Variants in SPIRE2 observed in about 807,000 individuals in gnomAD.
SPIRE2 encodes the protein protein spire homolog 2.
A neutral mutation model predicts 80.7 loss-of-function variants in SPIRE2; 76 were observed. The observed-to-expected ratio is 0.94, with a 90% CI of 0.78 to 1.14. The LOEUF is 1.14. SPIRE2 is among the 50% of genes most tolerant of loss of function. The probability of loss-of-function intolerance (pLI) is 0.00; values close to 1 mark genes in which losing one functional copy is unlikely to be tolerated. For synonymous variants in SPIRE2, 535 were observed against 432.6 expected (o/e 1.24, Z -2.94); for missense variants, 1,196 against 1,015.3 (o/e 1.18, Z -2.42).
chr16:89,834,547 C>G (rs1303385150), intron 1 of SPIRE2, among the ~76,000 whole-genome samples: 1 of 94,060 alleles, frequency 1.1e-5, no homozygotes, highest in African/African-American at 4.2e-5. Context: ...TGAACCTGCC[C>G]GCATTCGCGG....
intron 7 of SPIRE2, 40 bp downstream of exon 7, chr16:89,856,276 C>T (rs2041691403): frequency 6.5e-7 from 1 of 1,535,538 alleles, no homozygotes; most frequent in Non-Finnish European, 8.8e-7. Flanking sequence ...CCCTGAGCCC[C>T]CGGCTGGGGT....
At position 89,858,361 on chromosome 16, in the gene SPIRE2, C is replaced by G. The variant is rs2041711464; in HGVS notation, c.1126C>G (p.Leu376Val). ...ARGFGSLPCI[L>V]NACSGDAKST... ...AGGGTTTGGCTCTCTGCCCTGCATC[C>G]TCAACGCCTGCTCCGGAGATGCCAA... The change falls in exon 8 of 15, where the codon CTC (leucine) becomes GTC (valine). Residue 376 changes from leucine (L) to valine (V), a missense_variant. Leu to Val is a conservative substitution (Grantham distance 32). Coordinates refer to ENST00000378247, the MANE Select transcript of SPIRE2 (RefSeq NM_032451.2). 6.2e-7 allele frequency: 1 copy of G among 1,609,314 alleles called. No homozygotes were observed. The highest frequency in any genetic ancestry group is 2.2e-5 in the East Asian group (1 of 44,746).
At chr16:89,838,181 T>G in intron 1 of SPIRE2, among the ~76,000 whole-genome samples, 1 of 147,468 alleles carries the variant, frequency 6.8e-6, no homozygotes, top group Non-Finnish European at 1.5e-5. Flanking sequence ...TTTTTTTTTT[T>G]TTTTTTTGTA....
Position 89,830,908 on chromosome 16 carries a change from C to CT in SPIRE2, c.244+2133dup, listed in dbSNP as rs146029809. ...TGAAGACTTTGTAACTGCTTAGAATCTTTTTTTTTTTTTTTTTTTGAGAGG... is the reference window on the plus strand; with the variant it reads ...TGAAGACTTTGTAACTGCTTAGAATCTTTTTTTTTTTTTTTTTTTTGAGAGG... On this transcript the variant is annotated intron_variant, in intron 1 of 14. Coordinates refer to ENST00000378247, the MANE Select transcript of SPIRE2 (RefSeq NM_032451.2). Among the ~76,000 whole-genome samples, 649 of 117,302 alleles carry CT rather than the reference C, an allele frequency of 5.5e-3. 22 individuals are homozygous for CT. The highest frequency in any genetic ancestry group is 0.049 in the South Asian group (180 of 3,696). The allele number at this position is 117,302 out of a possible 152,430, so 77.0% of individuals were successfully genotyped here.
chr16:89,868,178 T>C lies in SPIRE2; in HGVS notation c.1779-11T>C, dbSNP rs959683265. 1 of 1,614,074 alleles carries C rather than the reference T, an allele frequency of 6.2e-7. No homozygotes were observed. Among genetic ancestry groups the C allele is most frequent in the Middle Eastern group, 1.6e-4 (1 of 6,062 alleles). ...CCCTGCTGATGCTGCATTTCCTCTG[T>C]TCCCTTCCAGAGCCGTCTGCACTTC... On this transcript the variant is annotated splice_polypyrimidine_tract_variant and intron_variant, in intron 12 of 14. Transcript: ENST00000378247.
At position 89,845,313 on chromosome 16, in the gene SPIRE2, C is replaced by T; in HGVS notation, c.245-9C>T. The T allele has an allele frequency of 6.2e-7, 1 of 1,613,500 alleles. No individual in the cohort carries two copies. The highest frequency in any genetic ancestry group is 8.5e-7 in the Non-Finnish European group (1 of 1,179,426). Reference sequence around the variant, plus strand: ...CTGACAAATAACTTAACTCCCTCTTCTCTTACAGAACCTGCAACCATGGTC... The same window carrying T: ...CTGACAAATAACTTAACTCCCTCTTTTCTTACAGAACCTGCAACCATGGTC... On this transcript the variant is annotated splice_polypyrimidine_tract_variant and intron_variant, in intron 1 of 14. Coordinates refer to ENST00000378247, the MANE Select transcript of SPIRE2 (RefSeq NM_032451.2).
chr16:89,867,924 C>G (rs2041804175), intron 12 of SPIRE2, among the ~76,000 whole-genome samples: 2 of 152,176 alleles, frequency 1.3e-5, no homozygotes, highest in Non-Finnish European at 2.9e-5. Context: ...TATCCTACCA[C>G]TTGGCAATAG....
At chr16:89,861,078 G>A (rs1597222779) in intron 10 of SPIRE2, among the ~76,000 whole-genome samples, 1 of 152,174 alleles carries the variant, frequency 6.6e-6, no homozygotes, top group African/African-American at 2.4e-5. Context: ...TAGGGCAGAC[G>A]GTGAACCTGC....
In SPIRE2 at chr16:89,835,264, G is replaced by C. The variant is rs145481839; in HGVS notation, c.244+6470G>C. On this transcript the variant is annotated intron_variant, in intron 1 of 14. Transcript: ENST00000378247. The stretch of plus-strand genomic sequence containing the variant: ...ATAAGCATAGCCCGTGTGATTTTTC[G>C]CTGAGCCCTGGCTTGGGCAGCTCTT... 2.3e-3 allele frequency among the ~76,000 whole-genome samples: 355 copies of C among 152,324 alleles called. 2 individuals are homozygous for C. The highest frequency in any genetic ancestry group is 8.1e-3 in the African/African-American group (335 of 41,568).
At chr16:89,856,690 G>A (rs1389926548) in intron 7 of SPIRE2, among the ~76,000 whole-genome samples, 5 of 150,414 alleles carry the variant, frequency 3.3e-5, no homozygotes, top group Admixed American at 1.3e-4. Flanking sequence ...AAACTCCTGG[G>A]CTCAAGTGAT....
At chr16:89,855,799 C>CA in intron 6 of SPIRE2, 113 bp downstream of exon 6, 4 of 1,112,658 alleles carry the variant, frequency 3.6e-6, no homozygotes, top group Non-Finnish European at 5.2e-6. Context: ...GGAGGTGTCC[C>CA]AGTGCGTCTG....
Position 89,869,654 on chromosome 16 carries a change from G to C in SPIRE2, c.1894G>C (p.Ala632Pro). 1 of 1,614,088 alleles carries C rather than the reference G, an allele frequency of 6.2e-7. No individual in the cohort carries two copies. Among genetic ancestry groups the C allele is most frequent in the South Asian group, 1.1e-5 (1 of 91,080 alleles). Residue 632 changes from alanine to proline, a missense_variant, in exon 14 of 15, where the codon GCG (alanine) becomes CCG (proline). Coordinates refer to ENST00000378247, the MANE Select transcript of SPIRE2 (RefSeq NM_032451.2). Reference sequence around the variant, plus strand: ...TCAGAGGGTATCAGCTGCCAAAACCGCGCCAATCCAGAGAAGAGACATCTT... The same window carrying C: ...TCAGAGGGTATCAGCTGCCAAAACCCCGCCAATCCAGAGAAGAGACATCTT... ...SPQRVSAAKT[A>P]PIQRRDIFQS...
At chr16:89,855,960 TC>T in intron 6 of SPIRE2, 152 bp from the exon 7 acceptor site, 1 of 1,358,798 alleles carries the variant, frequency 7.4e-7, no homozygotes, top group Non-Finnish European at 9.8e-7. Context: ...GGAGCAGCAC[TC>T]CCTCCGGGTG....
At position 89,850,470 on chromosome 16, in the gene SPIRE2, C is replaced by A. The variant is rs2143805179; in HGVS notation, c.455C>A (p.Pro152His). ...GCCGCCGATGAGGGCTACGGGGGTC[C>A]CGAGGAGGAGGAGGAGGCCGAGGGC... The part of the protein sequence containing the change: ...CGAADEGYGG[P>H]EEEEEAEGVP... Residue 152 changes from proline to histidine, a missense_variant, in exon 3 of 15, where the codon CCC (proline) becomes CAC (histidine). By Grantham distance (77) the Pro-to-His change is moderately conservative. Coordinates refer to ENST00000378247, the MANE Select transcript of SPIRE2 (RefSeq NM_032451.2). 1 of 1,544,840 alleles carries A rather than the reference C, an allele frequency of 6.5e-7. No homozygotes were observed. Among genetic ancestry groups the A allele is most frequent in the Non-Finnish European group, 8.7e-7 (1 of 1,145,160 alleles).
At chr16:89,865,895 G>A (rs542216123) in intron 12 of SPIRE2, among the ~76,000 whole-genome samples, 1 of 149,720 alleles carries the variant, frequency 6.7e-6, no homozygotes, top group Admixed American at 6.7e-5. Context: ...TTGAACCTGT[G>A]AGGTGGAGGG....
At chr16:89,845,402 T>C (rs1159097338) in intron 2 of SPIRE2, 37 bp downstream of exon 2, 1 of 1,537,098 alleles carries the variant, frequency 6.5e-7, no homozygotes, top group Non-Finnish European at 9.0e-7. Flanking sequence ...ACTTGATGTG[T>C]GTTAAAACGT....
intron 7 of SPIRE2, among the ~76,000 whole-genome samples, chr16:89,858,075 C>T (rs1045815699): frequency 5.3e-5 from 8 of 151,546 alleles, no homozygotes; most frequent in African/African-American, 1.9e-4. Flanking sequence ...TTAGTAGAGA[C>T]AGGGTTTCAC....
At chr16:89,870,007 C>T in intron 14 of SPIRE2, 43 bp from the exon 15 acceptor site, 2 of 1,556,906 alleles carry the variant, frequency 1.3e-6, no homozygotes, top group South Asian at 1.1e-5. Flanking sequence ...GGTGTGGCAC[C>T]CTGGCTGGCT....
rs143115753 is a variant in SPIRE2, at chr16:89,867,421, G to T, written c.1779-768G>T. On this transcript the variant is annotated intron_variant, in intron 12 of 14. Coordinates refer to ENST00000378247, the MANE Select transcript of SPIRE2 (RefSeq NM_032451.2). The stretch of plus-strand genomic sequence containing the variant: ...GCCTCCCAAAGTGCTGGGATTACAG[G>T]CGTGAGGCATCGCGCCTGGCCGACA... Among the ~76,000 whole-genome samples the T allele has an allele frequency of 2.2e-3, 342 of 152,180 alleles. 2 individuals carry two copies. The highest frequency in any genetic ancestry group is 7.3e-3 in the African/African-American group (303 of 41,516).
Sources: allele counts gnomAD v4.1 joint callset (sites outside exome capture counted in the v4.1 genomes callset), GRCh38; gene constraint gnomAD v4.1.1; transcripts MANE v1.5; gene names NCBI Gene and HGNC (gene_info 2026-07-23, HGNC 2026-07-21).